ATXN3: variants seen among roughly 807,000 people sequenced by gnomAD.
ATXN3 encodes the protein ataxin-3.
ATXN3 carries 28 observed loss-of-function variants against 58.2 expected under a neutral mutation model. The observed-to-expected ratio is 0.48, with a 90% CI of 0.36 to 0.66. The LOEUF (loss-of-function observed/expected upper bound fraction) is 0.66. Ranked by LOEUF, ATXN3 falls within the 30% of genes least tolerant of loss-of-function variation. ATXN3 has a pLI of 0.00. For missense variants in ATXN3, 321 were observed against 422.1 expected, an observed-to-expected ratio of 0.76 and a Z score of 2.10; for synonymous variants, 113 against 138.5, an observed-to-expected ratio of 0.82 and a Z score of 1.29.
rs200757726 is a variant in ATXN3 at position 92,106,511 on chromosome 14, C to A, written c.24+18G>T. On this transcript the variant is annotated intron_variant, in intron 1 of 10. Transcript: ENST00000644486. Reference sequence around the variant, plus strand: ...CCACCGCGCGGCAGACAGCTCCCCACCGAACGCGGACACTCACTTTCTCGT... The same window carrying A: ...CCACCGCGCGGCAGACAGCTCCCCAACGAACGCGGACACTCACTTTCTCGT... 21 of 1,613,428 alleles carry A rather than the reference C, an allele frequency of 1.3e-5. No individual in the cohort carries two copies. The Middle Eastern group carries it at 5.0e-4, about 38-fold the overall frequency.
At chr14:92,098,954 G>A (rs2066055592) in intron 1 of ATXN3, among the ~76,000 whole-genome samples, 3 of 152,134 alleles carry the variant, frequency 2.0e-5, no homozygotes, top group Non-Finnish European at 4.4e-5. Flanking sequence ...CAAGTCCAGG[G>A]TGCCTGGTAC....
At chr14:92,081,574 A>AC (rs2061496484) in intron 8 of ATXN3, among the ~76,000 whole-genome samples, 1 of 151,862 alleles carries the variant, frequency 6.6e-6, no homozygotes, top group African/African-American at 2.4e-5. Context: ...ATGGGATTGC[A>AC]CACCATATGG....
intron 1 of ATXN3, among the ~76,000 whole-genome samples, chr14:92,103,392 A>G (rs1038845010): frequency 4.6e-5 from 7 of 152,192 alleles, no homozygotes; most frequent in African/African-American, 1.4e-4. Context: ...ACAGCACCAT[A>G]TATATCTCAG....
At chr14:92,049,541 T>C (rs1238643761) in intron 1 of ATXN3, 1 of 154,874 alleles carries the variant, frequency 6.5e-6, no homozygotes, top group Non-Finnish European at 1.4e-5. Context: ...GACAGGGAGA[T>C]TGAAGGGTAG....
At chr14:92,080,159 G>A (rs1011223498) in intron 9 of ATXN3, among the ~76,000 whole-genome samples, 8 of 152,214 alleles carry the variant, frequency 5.3e-5, no homozygotes, top group African/African-American at 1.9e-4. Flanking sequence ...CTGGGCACAA[G>A]GTAAGGTTTT....
rs555841221 is a variant in ATXN3, at chr14:92,096,539, G to A, written c.189+135C>T. 2.7e-5 allele frequency: 25 copies of A among 925,020 alleles called. No homozygotes were observed. In the African/African-American group the frequency reaches 3.6e-4, roughly 13 times the overall value. 57.3% of individuals were successfully genotyped at this position (925,020 alleles called of 1,614,324 possible). A position where few individuals can be genotyped will look rare whatever the true frequency, so the allele number is the denominator to read the frequency against. ...CTTGGGAGGCTGAGGCAGGAGAATCGCTTGAACCCGGGAGGCAGAGGTTGC... is the reference window on the plus strand; with the variant it reads ...CTTGGGAGGCTGAGGCAGGAGAATCACTTGAACCCGGGAGGCAGAGGTTGC... On this transcript the variant is annotated intron_variant, in intron 2 of 10. Transcript: ENST00000644486.
intron 10 of ATXN3, among the ~76,000 whole-genome samples, chr14:92,068,751 C>T (rs1175078119): frequency 6.6e-6 from 1 of 152,044 alleles, no homozygotes; most frequent in East Asian, 1.9e-4. Flanking sequence ...CCACCATGCC[C>T]GACTAATCTT....
upstream of ATXN3, among the ~76,000 whole-genome samples, chr14:92,050,143 CGTGTGTGT>C (rs35730721): frequency 4.1e-5 from 6 of 147,590 alleles, no homozygotes; most frequent in Non-Finnish European, 6.0e-5. Flanking sequence ...ACTTTGCTCT[CGTGTGTGT>C]GTGTGTGTGT....
chr14:92,078,702 T>C, intron 9 of ATXN3, among the ~76,000 whole-genome samples: 1 of 152,306 alleles, frequency 6.6e-6, no homozygotes, highest in Middle Eastern at 3.4e-3. Context: ...ATTGATGATA[T>C]AGAATTACAA....
chr14:92,080,594 T>C, intron 9 of ATXN3: 1 of 291,362 alleles, frequency 3.4e-6, no homozygotes, highest in Non-Finnish European at 6.8e-6. Context: ...AGGGCAGTGG[T>C]GCGATCTCGG....
Position 92,084,415 on chromosome 14 carries a change from G to A in ATXN3, c.476-1157C>T, listed in dbSNP as rs541076192. Among the ~76,000 whole-genome samples the A allele has an allele frequency of 3.3e-5, 5 of 152,246 alleles. No homozygotes were observed. In the East Asian group the frequency reaches 5.8e-4, roughly 18 times the overall value. On this transcript the variant is annotated intron_variant, in intron 6 of 10. Coordinates refer to ENST00000644486, the MANE Select transcript of ATXN3 (RefSeq NM_004993.6). ...CTAAAAGCTATTTAAGGTGTCAAAC[G>A]TGTGGTTTGCATCCCAAAAGAATTA...
At chr14:92,069,946 C>T (rs531536759) in intron 10 of ATXN3, among the ~76,000 whole-genome samples, 23 of 152,216 alleles carry the variant, frequency 1.5e-4, no homozygotes, top group Admixed American at 5.2e-4. Flanking sequence ...GTGGTTTTAT[C>T]GTGCATTTCC....
chr14:92,054,552 C>A (rs1232528578), downstream of ATXN3, among the ~76,000 whole-genome samples: 2 of 152,156 alleles, frequency 1.3e-5, no homozygotes, highest in East Asian at 1.9e-4. Flanking sequence ...AATAATCCAC[C>A]CCTTGTTTAG....
chr14:92,080,331 T>C (rs938474523), intron 9 of ATXN3, among the ~76,000 whole-genome samples: 22 of 152,262 alleles, frequency 1.4e-4, no homozygotes, highest in African/African-American at 5.3e-4. Flanking sequence ...GGTAGAGGAA[T>C]TTTGCAGGGT....
At chr14:92,083,772 G>A (rs977800167) in intron 6 of ATXN3, among the ~76,000 whole-genome samples, 5 of 152,132 alleles carry the variant, frequency 3.3e-5, no homozygotes, top group African/African-American at 1.2e-4. Context: ...TGTCTGCGAG[G>A]GTGTTGCCAA....
At chr14:92,081,966 T>C (rs906914612) in intron 8 of ATXN3, among the ~76,000 whole-genome samples, 62 of 152,228 alleles carry the variant, frequency 4.1e-4, no homozygotes, top group African/African-American at 1.3e-3. Context: ...GGCCCTTCCA[T>C]AGTGTCTAAT....
In ATXN3 at chr14:92,068,615, A is replaced by G. The variant is rs537540803; in HGVS notation, c.991+2320T>C. 7.4e-5 allele frequency among the ~76,000 whole-genome samples: 11 copies of G among 148,072 alleles called. 1 individual carries two copies. In the East Asian group the frequency reaches 2.1e-3, roughly 29 times the overall value. ...GGTTTTTTTTTTCTTTTTGAGACAG[A>G]GTTTTGCTCTTGTTGCCCAGGCTGG... On this transcript the variant is annotated intron_variant, in intron 10 of 10. Transcript: ENST00000644486.
At position 92,063,744 on chromosome 14, in the gene ATXN3, C is replaced by G. The variant is rs1355642853; in HGVS notation, c.*576G>C. ...AGAATTGTGGGAAAATAATGAAAAC[C>G]AGGTAGCAGAAAAGTTGTGATCAGA... On this transcript the variant is annotated 3_prime_UTR_variant, in exon 11 of 11. Transcript: ENST00000644486. The G allele has an allele frequency of 6.6e-6, 1 of 152,062 alleles. No homozygotes were observed. Among genetic ancestry groups the G allele is most frequent in the African/African-American group, 2.4e-5 (1 of 41,382 alleles). The allele number at this position is 152,062 out of a possible 1,614,324, so 9.4% of individuals were successfully genotyped here.
At chr14:92,073,879 GC>G (rs1313703217) in intron 9 of ATXN3, among the ~76,000 whole-genome samples, 1 of 151,626 alleles carries the variant, frequency 6.6e-6, no homozygotes, top group Non-Finnish European at 1.5e-5. Flanking sequence ...CAGGTGTGGT[GC>G]TACACACCTG....
Sources: gnomAD v4.1 joint callset for allele counts (sites outside exome capture counted in the v4.1 genomes callset) on GRCh38, gnomAD v4.1.1 for gene constraint, MANE v1.5 for transcripts, NCBI Gene and HGNC (gene_info 2026-07-23, HGNC 2026-07-21) for gene names.